The following RNF144B variants were observed in gnomAD, a reference collection of about 807,000 sequenced individuals.
RNF144B encodes ring finger protein 144B, also known as E3 ubiquitin-protein ligase RNF144B.
Under a neutral mutation model 40.2 loss-of-function variants are expected in RNF144B, and 25 were observed. The ratio of observed to expected loss-of-function variants is 0.62; its 90% CI spans 0.45 to 0.87. The LOEUF (loss-of-function observed/expected upper bound fraction) is 0.87, where lower values mean the gene tolerates loss of function less well. RNF144B is among the 40% of genes least tolerant of loss of function. The probability of loss-of-function intolerance (pLI) is 0.00; values close to 1 mark genes in which losing one functional copy is unlikely to be tolerated. For synonymous variants in RNF144B, 145 were observed against 136.3 expected, an observed-to-expected ratio of 1.06 and a Z score of -0.44; for missense variants, 365 against 373.7, an observed-to-expected ratio of 0.98 and a Z score of 0.19.
intron 4 of RNF144B, among the ~76,000 whole-genome samples, chr6:18,454,113 T>G (rs1759276361): frequency 6.6e-6 from 1 of 152,178 alleles, no homozygotes; most frequent in East Asian, 1.9e-4. Flanking sequence ...AAGATTGTTT[T>G]GATGATCCAA....
In RNF144B at chr6:18,410,753, G is replaced by C. The variant is rs149090540; in HGVS notation, c.165+11054G>C. On this transcript the variant is annotated intron_variant, in intron 2 of 7. Transcript: ENST00000259939. This position sits in a 1 kb window ranked among gnomAD's most constrained non-coding sequence, Gnocchi z 4.6. ...TTGGGAATGAGATAGGGAGGATGGC[G>C]TCGGTACAGGATAGAGAATGGACTG... is the stretch of plus-strand genomic sequence containing the variant. 0.01 allele frequency among the ~76,000 whole-genome samples: 1,586 copies of C among 152,204 alleles called. 21 individuals carry two copies. Among genetic ancestry groups the C allele is most frequent in the African/African-American group, 0.036 (1,482 of 41,538 alleles).
At chr6:18,461,198 TGAGGAGAAGAAAATG>T (rs569011950) in intron 6 of RNF144B, among the ~76,000 whole-genome samples, 393 of 152,268 alleles carry the variant, frequency 2.6e-3, no homozygotes, top group African/African-American at 9.3e-3. Flanking sequence ...AGGTATAAAC[TGAGGAGAAGAAAATG>T]GACATTTTAG....
At position 18,456,623 on chromosome 6, in the gene RNF144B, T is replaced by TA. The variant is rs781377074; in HGVS notation, c.332-530dup. On this transcript the variant is annotated intron_variant, in intron 4 of 7. Transcript: ENST00000259939. This position sits in a 1 kb window ranked among gnomAD's most constrained non-coding sequence, Gnocchi z 4.7. Reference sequence around the variant, plus strand: ...TTTTATCTGTTCATAAAGGCAATGGTAAGCTATTCTGTTAGTACCTACTTT... The same window carrying TA: ...TTTTATCTGTTCATAAAGGCAATGGTAAAGCTATTCTGTTAGTACCTACTTT... Among the ~76,000 whole-genome samples the TA allele has an allele frequency of 6.6e-6, 1 of 152,230 alleles. No individual in the cohort carries two copies. Among genetic ancestry groups the TA allele is most frequent in the Non-Finnish European group, 1.5e-5 (1 of 68,038 alleles).
chr6:18,461,745 GT>G (rs1360579851), intron 6 of RNF144B, among the ~76,000 whole-genome samples: 1 of 152,166 alleles, frequency 6.6e-6, no homozygotes, highest in Non-Finnish European at 1.5e-5. Flanking sequence ...TGGTAATGAT[GT>G]TTTTCTCTAC....
At position 18,463,293 on chromosome 6, in the gene RNF144B, T is replaced by C. The variant is rs1048033241; in HGVS notation, c.684T>C (p.Asn228=). Residue 228 remains asparagine, a splice_region_variant and synonymous_variant, in exon 7 of 8, where the codon AAT becomes AAC. Transcript: ENST00000259939. ...AAATCAATCTTTTTATTTTTCAGAA[T>C]GACATTTTCCTCAGACATTATGACA... ...FCWYCLQNLD[N]DIFLRHYDKG... 16 of 1,584,332 alleles carry C rather than the reference T, an allele frequency of 1.0e-5. No individual in the cohort carries two copies. Among genetic ancestry groups the C allele is most frequent in the Middle Eastern group, 3.3e-4 (2 of 6,042 alleles).
At position 18,460,922 on chromosome 6, in the gene RNF144B, T is replaced by G. The variant is rs986338127; in HGVS notation, c.681+1171T>G. Among the ~76,000 whole-genome samples the G allele has an allele frequency of 2.0e-5, 3 of 152,230 alleles. No homozygotes were observed. Among genetic ancestry groups the G allele is most frequent in the Non-Finnish European group, 4.4e-5 (3 of 68,032 alleles). On this transcript the variant is annotated intron_variant, in intron 6 of 7. Transcript: ENST00000259939. The surrounding 1 kb of genome is among the most constrained non-coding windows in gnomAD (Gnocchi z 4.4). ...TTTGGCAATTTGGACCTCTAAAATA[T>G]GTCCATATCAGCGTAAGCCCTCAGT... is the stretch of plus-strand genomic sequence containing the variant.
intron 3 of RNF144B, among the ~76,000 whole-genome samples, chr6:18,428,759 A>C (rs1460716243): frequency 6.6e-6 from 1 of 152,178 alleles, no homozygotes; most frequent in Non-Finnish European, 1.5e-5. Flanking sequence ...AGACCTCATG[A>C]AATTGGGTGT....
In RNF144B at chr6:18,442,366, G is replaced by A. The variant is rs145973588; in HGVS notation, c.331+2622G>A. On this transcript the variant is annotated intron_variant, in intron 4 of 7. Coordinates refer to ENST00000259939, the MANE Select transcript of RNF144B (RefSeq NM_182757.4). The surrounding 1 kb of genome is among the most constrained non-coding windows in gnomAD (Gnocchi z 4.3). Reference sequence around the variant, plus strand: ...TACATGGAATTTATTTTTTTCTCACGAGTTCTGGGCAGATGCCCCACTGTG... The same window carrying A: ...TACATGGAATTTATTTTTTTCTCACAAGTTCTGGGCAGATGCCCCACTGTG... Among the ~76,000 whole-genome samples, 4 of 152,088 alleles carry A rather than the reference G, an allele frequency of 2.6e-5. No individual in the cohort carries two copies. In the East Asian group the frequency reaches 7.7e-4, roughly 29 times the overall value.
At chr6:18,397,952 G>A (rs1361617292) in intron 1 of RNF144B, among the ~76,000 whole-genome samples, 2 of 151,998 alleles carry the variant, frequency 1.3e-5, no homozygotes, top group African/African-American at 4.8e-5. Context: ...ATCCCAAGCA[G>A]AAACTCTGTA....
rs1356941202 is a variant in RNF144B at position 18,398,514 on chromosome 6, G to GGC, written c.-36-985_-36-984insGC. Among the ~76,000 whole-genome samples the GGC allele has an allele frequency of 2.0e-5, 3 of 152,170 alleles. No homozygotes were observed. ...AGCCTCCTGAGTAGCTGGGATTACA[G>GGC]ATGTGCCACTGTGCCTGGCTAATTT... On this transcript the variant is annotated intron_variant, in intron 1 of 7. Transcript: ENST00000259939. The surrounding 1 kb of genome is among the most constrained non-coding windows in gnomAD (Gnocchi z 5.0).
rs1795015212 is a variant in RNF144B, at chr6:18,410,733, A to C, written c.165+11034A>C. Among the ~76,000 whole-genome samples, 1 of 152,054 alleles carries C rather than the reference A, an allele frequency of 6.6e-6. No individual in the cohort carries two copies. The highest frequency in any genetic ancestry group is 1.5e-5 in the Non-Finnish European group (1 of 68,014). The stretch of plus-strand genomic sequence containing the variant: ...GAGCCACTGGAAGGCTTTGTTTGGG[A>C]ATGAGATAGGGAGGATGGCGTCGGT... On this transcript the variant is annotated intron_variant, in intron 2 of 7. Coordinates refer to ENST00000259939, the MANE Select transcript of RNF144B (RefSeq NM_182757.4). This position sits in a 1 kb window ranked among gnomAD's most constrained non-coding sequence, Gnocchi z 4.6.
chr6:18,402,727 A>G (rs1794817732), intron 2 of RNF144B, among the ~76,000 whole-genome samples: 1 of 152,210 alleles, frequency 6.6e-6, no homozygotes, highest in South Asian at 2.1e-4. Flanking sequence ...TCATGTAGGT[A>G]ATTCTTGATT....
rs949973247 is a variant in RNF144B, at chr6:18,395,979, T to C, written c.-36-3520T>C. Among the ~76,000 whole-genome samples the C allele has an allele frequency of 3.3e-5, 5 of 152,254 alleles. No individual in the cohort carries two copies. Among genetic ancestry groups the C allele is most frequent in the Non-Finnish European group, 2.9e-5 (2 of 68,048 alleles). On this transcript the variant is annotated intron_variant, in intron 1 of 7. Coordinates refer to ENST00000259939, the MANE Select transcript of RNF144B (RefSeq NM_182757.4). The surrounding 1 kb of genome is among the most constrained non-coding windows in gnomAD (Gnocchi z 4.5). Reference sequence around the variant, plus strand: ...AAGGAGATGAAATATGTAACTTTTTTCCTCTATGTCACTGAGTCATAAGTC... The same window carrying C: ...AAGGAGATGAAATATGTAACTTTTTCCCTCTATGTCACTGAGTCATAAGTC...
chr6:18,404,191 G>T (rs985757282), intron 2 of RNF144B, among the ~76,000 whole-genome samples: 2 of 152,200 alleles, frequency 1.3e-5, no homozygotes, highest in Non-Finnish European at 2.9e-5. Flanking sequence ...TGAATCTGTG[G>T]TGGATCTTTC....
In RNF144B at chr6:18,446,702, G is replaced by A. The variant is rs144327580; in HGVS notation, c.331+6958G>A. ...GAGAAGGGTGAATGGATCTTCCAGG[G>A]ATATTTGGTGATGTCCAAAGACATT... On this transcript the variant is annotated intron_variant, in intron 4 of 7. Transcript: ENST00000259939. The surrounding 1 kb of genome is among the most constrained non-coding windows in gnomAD (Gnocchi z 4.7). Among the ~76,000 whole-genome samples the A allele has an allele frequency of 6.6e-6, 1 of 152,272 alleles. No individual in the cohort carries two copies. The highest frequency in any genetic ancestry group is 1.5e-5 in the Non-Finnish European group (1 of 68,016).
rs1020865453 is a variant in RNF144B, at chr6:18,398,940, G to C, written c.-36-559G>C. Reference sequence around the variant, plus strand: ...CAACTCCTAAATATGTTTGCTCATAGTGATATTTCCCGCCCCTGACCTTCA... The same window carrying C: ...CAACTCCTAAATATGTTTGCTCATACTGATATTTCCCGCCCCTGACCTTCA... On this transcript the variant is annotated intron_variant, in intron 1 of 7. Transcript: ENST00000259939. This position sits in a 1 kb window ranked among gnomAD's most constrained non-coding sequence, Gnocchi z 5.0. 1.3e-5 allele frequency among the ~76,000 whole-genome samples: 2 copies of C among 152,158 alleles called. No individual in the cohort carries two copies. The highest frequency in any genetic ancestry group is 4.8e-5 in the African/African-American group (2 of 41,414).
intron 1 of RNF144B, among the ~76,000 whole-genome samples, chr6:18,391,222 A>G (rs939590995): frequency 6.6e-6 from 1 of 152,194 alleles, no homozygotes; most frequent in Admixed American, 6.5e-5. Context: ...GGTCAATTAC[A>G]TCATTGTCTG....
chr6:18,427,056 G>T (rs1758570598), intron 2 of RNF144B, among the ~76,000 whole-genome samples: 1 of 152,200 alleles, frequency 6.6e-6, no homozygotes, highest in East Asian at 1.9e-4. Context: ...CCAGTCAGCA[G>T]GAAGTCACCT....
intron 6 of RNF144B, 24 bp from the exon 7 acceptor site, chr6:18,463,267 G>A: frequency 6.9e-7 from 1 of 1,449,774 alleles, no homozygotes. Context: ...CATATTTACT[G>A]AAATCAATCT....
Sources: allele counts gnomAD v4.1 joint callset (sites outside exome capture counted in the v4.1 genomes callset), GRCh38; gene constraint gnomAD v4.1.1; non-coding constraint Gnocchi (gnomAD v3.1); transcripts MANE v1.5; gene names NCBI Gene and HGNC (gene_info 2026-07-23, HGNC 2026-07-21).